The following PARD3B variants were observed in gnomAD, a reference collection of about 807,000 sequenced individuals.
PARD3B encodes the protein par-3 family cell polarity regulator beta.
PARD3B carries 103 observed loss-of-function variants against 130.2 expected under a neutral mutation model. The ratio of observed to expected loss-of-function variants is 0.79; its 90% CI spans 0.67 to 0.93. The LOEUF (loss-of-function observed/expected upper bound fraction) is 0.93, where lower values mean the gene tolerates loss of function less well. Ranked by LOEUF, PARD3B falls within the 40% of genes least tolerant of loss-of-function variation. The pLI is 0.00. For missense variants in PARD3B, 1,609 were observed against 1,499.2 expected (o/e 1.07, Z -1.21); for synonymous variants, 583 against 553.2 (o/e 1.05, Z -0.76).
intron 1 of PARD3B, among the ~76,000 whole-genome samples, chr2:204,554,466 C>T (rs547000821): frequency 6.6e-6 from 1 of 152,158 alleles, no homozygotes; most frequent in Non-Finnish European, 1.5e-5. Context: ...AAATGCTTGT[C>T]ATCACCCTTG....
At chr2:204,844,807 G>A (rs990659771) in intron 2 of PARD3B, among the ~76,000 whole-genome samples, 15 of 152,018 alleles carry the variant, frequency 9.9e-5, no homozygotes, top group African/African-American at 3.6e-4. Context: ...AAAGTTGTAC[G>A]TTTTATTTTA....
At chr2:204,793,083 G>A (rs1032637539) in intron 2 of PARD3B, among the ~76,000 whole-genome samples, 1 of 152,070 alleles carries the variant, frequency 6.6e-6, no homozygotes, top group Non-Finnish European at 1.5e-5. Flanking sequence ...TTAATCCAAG[G>A]TGATCAAAAG....
Position 205,288,200 on chromosome 2 carries a change from C to T in PARD3B, c.2186-12330C>T, listed in dbSNP as rs1559624461. 6.6e-6 allele frequency among the ~76,000 whole-genome samples: 1 copy of T among 152,200 alleles called. No homozygotes were observed. ...GGGTAGCAGGCAGTGCCCCCTGTCC[C>T]GTCCACCCAGACACATAACCCTGAG... On this transcript the variant is annotated intron_variant, in intron 16 of 22. Coordinates refer to ENST00000406610, the MANE Select transcript of PARD3B (RefSeq NM_001302769.2). This position sits in a 1 kb window ranked among gnomAD's most constrained non-coding sequence, Gnocchi z 4.0.
At chr2:205,597,413 T>C (rs1252106749) in intron 22 of PARD3B, among the ~76,000 whole-genome samples, 5 of 152,220 alleles carry the variant, frequency 3.3e-5, no homozygotes, top group Non-Finnish European at 5.9e-5. Context: ...ACATTTTCTT[T>C]ATCCAGTCCA....
chr2:204,920,977 G>T lies in PARD3B; in HGVS notation c.223-44175G>T, dbSNP rs16836737. Among the ~76,000 whole-genome samples the T allele has an allele frequency of 9.4e-3, 1,429 of 152,238 alleles. 24 individuals are homozygous for T. The highest frequency in any genetic ancestry group is 0.03 in the African/African-American group (1,231 of 41,548). ...CACTCACTCACTTGCAGTGCAGCTG[G>T]AATATCTTGGGCATTAATCTGAGAG... On this transcript the variant is annotated intron_variant, in intron 2 of 22. Coordinates refer to ENST00000406610, the MANE Select transcript of PARD3B (RefSeq NM_001302769.2).
At chr2:204,692,961 C>A (rs1372827359) in intron 2 of PARD3B, among the ~76,000 whole-genome samples, 4 of 151,974 alleles carry the variant, frequency 2.6e-5, no homozygotes, top group Non-Finnish European at 5.9e-5. Context: ...TTCCTGAGTC[C>A]ATTTCTGCAT....
chr2:205,602,262 G>A lies in PARD3B; in HGVS notation c.3261-13194G>A, dbSNP rs528582863. Reference sequence around the variant, plus strand: ...TGGTGCATAAGCTTTTTGATGTGTCGCTGGATTTGGTTTGCCAGTATTTTA... The same window carrying A: ...TGGTGCATAAGCTTTTTGATGTGTCACTGGATTTGGTTTGCCAGTATTTTA... On this transcript the variant is annotated intron_variant, in intron 22 of 22. Coordinates refer to ENST00000406610, the MANE Select transcript of PARD3B (RefSeq NM_001302769.2). Among the ~76,000 whole-genome samples the A allele has an allele frequency of 3.6e-4, 55 of 152,262 alleles. 1 individual carries two copies. In the South Asian group the frequency reaches 3.9e-3, roughly 11 times the overall value.
chr2:205,089,250 G>A (rs1055093385), intron 4 of PARD3B, among the ~76,000 whole-genome samples: 38 of 147,914 alleles, frequency 2.6e-4, no homozygotes, highest in South Asian at 4.3e-4. Flanking sequence ...GGCTCACTGC[G>A]ACCTCCGCCT....
At chr2:204,857,773 C>T (rs951799727) in intron 2 of PARD3B, among the ~76,000 whole-genome samples, 10 of 152,012 alleles carry the variant, frequency 6.6e-5, no homozygotes, top group East Asian at 1.9e-4. Context: ...GTGACATCCT[C>T]GATTTTATAG....
At position 204,965,338 on chromosome 2, in the gene PARD3B, T is replaced by G. The variant is rs1047944424; in HGVS notation, c.394+15T>G. The G allele has an allele frequency of 6.8e-6, 11 of 1,610,128 alleles. No individual in the cohort carries two copies. The highest frequency in any genetic ancestry group is 5.1e-5 in the Admixed American group (3 of 59,334). On this transcript the variant is annotated intron_variant, in intron 3 of 22. Transcript: ENST00000406610. ...TCTAAAACTAGGTATGTGTAATGTT[T>G]ATGATATTCTTTTCACCTGACTGAA...
chr2:204,934,319 G>A (rs1054587400), intron 2 of PARD3B, among the ~76,000 whole-genome samples: 1 of 152,156 alleles, frequency 6.6e-6, no homozygotes, highest in African/African-American at 2.4e-5. Context: ...CACTTTGTGG[G>A]GAGGACATGT....
chr2:205,370,173 T>C (rs983392475), intron 18 of PARD3B, among the ~76,000 whole-genome samples: 1 of 152,208 alleles, frequency 6.6e-6, no homozygotes, highest in East Asian at 1.9e-4. Context: ...AATGATGTAG[T>C]GAAAATAGTA....
At chr2:205,393,752 G>T (rs947839942) in intron 18 of PARD3B, among the ~76,000 whole-genome samples, 1 of 152,148 alleles carries the variant, frequency 6.6e-6, no homozygotes, top group African/African-American at 2.4e-5. Flanking sequence ...GTTGTAGATA[G>T]ACAGAATGTA....
At chr2:205,377,763 ATTTTTTTT>A (rs3048124) in intron 18 of PARD3B, among the ~76,000 whole-genome samples, 22 of 117,474 alleles carry the variant, frequency 1.9e-4, no homozygotes, top group Admixed American at 2.6e-4. Context: ...GTGTAATCCA[ATTTTTTTT>A]TTTTTTTTTT....
intron 1 of PARD3B, among the ~76,000 whole-genome samples, chr2:204,587,462 G>T (rs1241552295): frequency 1.3e-5 from 2 of 152,010 alleles, no homozygotes; most frequent in Non-Finnish European, 2.9e-5. Flanking sequence ...TTTCACTTTG[G>T]AGCTCTTCTA....
chr2:204,895,721 C>G (rs1478176501), intron 2 of PARD3B, among the ~76,000 whole-genome samples: 2 of 152,078 alleles, frequency 1.3e-5, no homozygotes, highest in African/African-American at 4.8e-5. Flanking sequence ...TATTCAGATT[C>G]CATGTACATA....
chr2:204,803,542 G>A lies in PARD3B; in HGVS notation c.222+117260G>A, dbSNP rs190282280. On this transcript the variant is annotated intron_variant, in intron 2 of 22. Coordinates refer to ENST00000406610, the MANE Select transcript of PARD3B (RefSeq NM_001302769.2). ...CCAAGAGTTAAAAAGCAGGGGACAT[G>A]GAGTTAAAAAGCATGGGACACGAAG... Among the ~76,000 whole-genome samples the A allele has an allele frequency of 3.9e-3, 590 of 152,178 alleles. 2 individuals are homozygous for A. The highest frequency in any genetic ancestry group is 5.3e-3 in the Non-Finnish European group (360 of 68,014).
Position 204,728,771 on chromosome 2 carries a change from A to G in PARD3B, c.222+42489A>G, listed in dbSNP as rs141778387. On this transcript the variant is annotated intron_variant, in intron 2 of 22. Coordinates refer to ENST00000406610, the MANE Select transcript of PARD3B (RefSeq NM_001302769.2). Reference sequence around the variant, plus strand: ...TAGGATTTAACAGAAGTTTATCTTAATCCACTCCTGTGATCTTTCTGCTTT... The same window carrying G: ...TAGGATTTAACAGAAGTTTATCTTAGTCCACTCCTGTGATCTTTCTGCTTT... Among the ~76,000 whole-genome samples, 182 of 152,300 alleles carry G rather than the reference A, an allele frequency of 1.2e-3. 5 individuals carry two copies. In the East Asian group the frequency reaches 0.03, roughly 25 times the overall value.
intron 18 of PARD3B, among the ~76,000 whole-genome samples, chr2:205,315,735 T>C (rs2042542830): frequency 6.6e-6 from 1 of 152,208 alleles, no homozygotes. Flanking sequence ...TCTTCACTGT[T>C]ACCCAAAACA....
Sources: gnomAD v4.1 joint callset for allele counts (sites outside exome capture counted in the v4.1 genomes callset) on GRCh38, gnomAD v4.1.1 for gene constraint, Gnocchi (gnomAD v3.1) non-coding constraint, MANE v1.5 for transcripts, NCBI Gene and HGNC (gene_info 2026-07-23, HGNC 2026-07-21) for gene names.